ASAP1: variants seen among roughly 807,000 people sequenced by gnomAD.
ASAP1 encodes the protein arf-GAP with SH3 domain, ANK repeat and PH domain-containing protein 1.
ASAP1 carries 43 observed loss-of-function variants against 145.2 expected under a neutral mutation model. The observed-to-expected ratio is 0.30, with a 90% CI of 0.23 to 0.38. The LOEUF (loss-of-function observed/expected upper bound fraction) is 0.38, where lower values mean the gene tolerates loss of function less well. ASAP1 is among the 10% of genes least tolerant of loss of function. ASAP1 has a pLI of 1.00. For missense variants in ASAP1, 1,018 were observed against 1,355.3 expected (o/e 0.75, Z 3.91); for synonymous variants, 546 against 515.5 (o/e 1.06, Z -0.80).
intron 9 of ASAP1, among the ~76,000 whole-genome samples, chr8:130,173,816 T>C (rs1448565601): frequency 2.6e-5 from 4 of 150,950 alleles, no homozygotes; most frequent in Non-Finnish European, 5.9e-5. Context: ...CTCACGCCTG[T>C]AATCCTAACA....
chr8:130,098,155 G>T (rs1232240376), intron 24 of ASAP1, among the ~76,000 whole-genome samples: 1 of 152,076 alleles, frequency 6.6e-6, no homozygotes, highest in African/African-American at 2.4e-5. Context: ...GGCTCAGAGG[G>T]TTTAGGAACT....
intron 1 of ASAP1, among the ~76,000 whole-genome samples, chr8:130,432,213 A>G (rs922871184): frequency 6.6e-6 from 1 of 151,880 alleles, no homozygotes; most frequent in Non-Finnish European, 1.5e-5. Context: ...GGTTGAGAAG[A>G]GGACGACAAA....
chr8:130,061,198 G>C, intron 27 of ASAP1, 129 bp from the exon 28 acceptor site: 1 of 1,156,762 alleles, frequency 8.6e-7, no homozygotes, highest in Non-Finnish European at 1.2e-6. Context: ...GATGAACTCA[G>C]GGGCCAGGCC....
chr8:130,265,796 G>A (rs998185610), intron 3 of ASAP1, among the ~76,000 whole-genome samples: 1 of 152,102 alleles, frequency 6.6e-6, no homozygotes, highest in Non-Finnish European at 1.5e-5. Context: ...GATATCATCT[G>A]GGCCTGGGAG....
chr8:130,401,533 C>G (rs1240102182), intron 2 of ASAP1, among the ~76,000 whole-genome samples: 1 of 152,168 alleles, frequency 6.6e-6, no homozygotes, highest in East Asian at 1.9e-4. Flanking sequence ...ACGTGAGCCA[C>G]CATGTCCAGC....
At chr8:130,118,817 C>A in intron 18 of ASAP1, 142 bp from the exon 19 acceptor site, 1 of 492,404 alleles carries the variant, frequency 2.0e-6, no homozygotes, top group Non-Finnish European at 3.4e-6. Context: ...GGTTTTAGAC[C>A]AAATTACTCC....
In ASAP1 at chr8:130,153,497, G is replaced by C. The variant is rs575733708; in HGVS notation, c.1011-692C>G. The stretch of plus-strand genomic sequence containing the variant: ...TGATCCTCCCACCTCAACCTCCAGA[G>C]TAGCTGGGACCACAGGCACACCCCA... On this transcript the variant is annotated intron_variant, in intron 12 of 29. Transcript: ENST00000518721. Among the ~76,000 whole-genome samples the C allele has an allele frequency of 3.3e-5, 5 of 151,214 alleles. No individual in the cohort carries two copies. The South Asian group carries it at 1.0e-3, about 32-fold the overall frequency.
At chr8:130,303,061 G>A (rs1035939656) in intron 3 of ASAP1, among the ~76,000 whole-genome samples, 3 of 152,206 alleles carry the variant, frequency 2.0e-5, no homozygotes, top group African/African-American at 7.2e-5. Context: ...AAGGCAGAAG[G>A]GAAAACCACA....
chr8:130,107,706 C>G (rs1009940195), intron 24 of ASAP1, among the ~76,000 whole-genome samples: 2 of 151,838 alleles, frequency 1.3e-5, no homozygotes, highest in Non-Finnish European at 2.9e-5. Context: ...GGCCACCAAG[C>G]CTGGTTAATT....
chr8:130,358,913 G>A lies in ASAP1; in HGVS notation c.60-770C>T, dbSNP rs1826552530. On this transcript the variant is annotated intron_variant, in intron 2 of 29. Coordinates refer to ENST00000518721, the MANE Select transcript of ASAP1 (RefSeq NM_018482.4). The surrounding 1 kb of genome is among the most constrained non-coding windows in gnomAD (Gnocchi z 4.1). The stretch of plus-strand genomic sequence containing the variant: ...TGCGCGAGCGTTTTGCAAGAAGGGG[G>A]CCCAAAAAAGTTGTACGTGTTCTTT... Among the ~76,000 whole-genome samples, 1 of 152,052 alleles carries A rather than the reference G, an allele frequency of 6.6e-6. No individual in the cohort carries two copies. The highest frequency in any genetic ancestry group is 2.4e-5 in the African/African-American group (1 of 41,452).
chr8:130,076,530 C>A, intron 26 of ASAP1, 124 bp from the exon 27 acceptor site: 2 of 755,942 alleles, frequency 2.6e-6, no homozygotes, highest in African/African-American at 1.8e-5. Context: ...TCAAAATTTC[C>A]TTTTTTTTTG....
chr8:130,135,374 GCTA>G (rs1329099701), intron 14 of ASAP1, among the ~76,000 whole-genome samples: 2 of 152,138 alleles, frequency 1.3e-5, no homozygotes, highest in Non-Finnish European at 1.5e-5. Context: ...TGTGGTCCCA[GCTA>G]CTTGGGAGGG....
chr8:130,059,150 T>G (rs2097411594), intron 28 of ASAP1, among the ~76,000 whole-genome samples: 1 of 151,990 alleles, frequency 6.6e-6, no homozygotes, highest in Non-Finnish European at 1.5e-5. Flanking sequence ...TATGACACAC[T>G]TTTACTGCAA....
At chr8:130,160,726 A>G in intron 11 of ASAP1, 1 of 1,124,816 alleles carries the variant, frequency 8.9e-7, no homozygotes, top group Non-Finnish European at 1.2e-6. Context: ...GCAGAACGAG[A>G]ACATGGTCTT....
chr8:130,283,587 G>GAAAAA (rs71304303), intron 3 of ASAP1, among the ~76,000 whole-genome samples: 1 of 20,878 alleles, frequency 4.8e-5, no homozygotes, highest in African/African-American at 1.7e-4. Flanking sequence ...ATCACAGAAA[G>GAAAAA]AAAAAAAAAA....
At chr8:130,237,293 T>G (rs1818272621) in intron 3 of ASAP1, among the ~76,000 whole-genome samples, 1 of 152,046 alleles carries the variant, frequency 6.6e-6, no homozygotes, top group Admixed American at 6.6e-5. Context: ...GAAGAAATCT[T>G]AAGGCTTGGA....
chr8:130,353,910 G>A (rs565507746), intron 3 of ASAP1, among the ~76,000 whole-genome samples: 19 of 151,434 alleles, frequency 1.3e-4, no homozygotes, highest in African/African-American at 3.6e-4. Context: ...TTTTTGAGAC[G>A]GAGTCTTGCT....
intron 3 of ASAP1, among the ~76,000 whole-genome samples, chr8:130,296,490 T>C (rs1240656598): frequency 4.0e-5 from 6 of 150,458 alleles, no homozygotes; most frequent in African/African-American, 1.2e-4. Context: ...ATTTAAATTA[T>C]CTCCACCTGC....
chr8:130,183,428 C>T (rs1177506876), intron 7 of ASAP1, among the ~76,000 whole-genome samples: 1 of 152,100 alleles, frequency 6.6e-6, no homozygotes, highest in Non-Finnish European at 1.5e-5. Flanking sequence ...ACAACCTCTG[C>T]CTCCTGGGTT....
Sources: allele counts gnomAD v4.1 joint callset (sites outside exome capture counted in the v4.1 genomes callset), GRCh38; gene constraint gnomAD v4.1.1; non-coding constraint Gnocchi (gnomAD v3.1); transcripts MANE v1.5; gene names NCBI Gene and HGNC (gene_info 2026-07-23, HGNC 2026-07-21).